The following DPP10 variants were observed in gnomAD, a reference collection of about 807,000 sequenced individuals.
DPP10 encodes dipeptidyl peptidase like 10, also known as inactive dipeptidyl peptidase 10.
In DPP10, 33 loss-of-function variants were observed where a neutral mutation model predicts 120.9. The observed-to-expected ratio is 0.27, with a 90% CI of 0.21 to 0.37. The LOEUF (loss-of-function observed/expected upper bound fraction) is 0.37. DPP10 is among the 10% of genes least tolerant of loss of function. The probability of loss-of-function intolerance (pLI) is 1.00; values close to 1 mark genes in which losing one functional copy is unlikely to be tolerated. For synonymous variants in DPP10, 337 were observed against 326.1 expected (o/e 1.03, Z -0.36); for missense variants, 816 against 942.8 (o/e 0.87, Z 1.76).
At chr2:115,590,817 T>C (rs2082613446) in intron 5 of DPP10, among the ~76,000 whole-genome samples, 2 of 152,168 alleles carry the variant, frequency 1.3e-5, no homozygotes, top group African/African-American at 4.8e-5. Context: ...CTCCACATCC[T>C]CTCCAGCACC....
intron 1 of DPP10, chr2:115,064,933 C>A: frequency 2.3e-6 from 2 of 858,992 alleles, no homozygotes; most frequent in Non-Finnish European, 3.2e-6. Flanking sequence ...AAGCATTATT[C>A]ATCATAGGCC....
chr2:114,632,889 T>C (rs1695039102), intron 1 of DPP10, among the ~76,000 whole-genome samples: 1 of 152,140 alleles, frequency 6.6e-6, no homozygotes, highest in Non-Finnish European at 1.5e-5. Flanking sequence ...TATCCCAAAT[T>C]TGACAAGGAA....
At chr2:114,661,564 T>C (rs1697405767) in intron 1 of DPP10, among the ~76,000 whole-genome samples, 1 of 152,224 alleles carries the variant, frequency 6.6e-6, no homozygotes, top group South Asian at 2.1e-4. Flanking sequence ...ACACAGAGCA[T>C]TTCTCCATCT....
chr2:115,308,572 T>G (rs1464595366), intron 1 of DPP10, among the ~76,000 whole-genome samples: 1 of 152,056 alleles, frequency 6.6e-6, no homozygotes, highest in Non-Finnish European at 1.5e-5. Flanking sequence ...TCGTGAGAGA[T>G]GTACAAGTTT....
At chr2:115,599,967 G>C (rs2083222508) in intron 5 of DPP10, among the ~76,000 whole-genome samples, 1 of 152,110 alleles carries the variant, frequency 6.6e-6, no homozygotes, top group Non-Finnish European at 1.5e-5. Flanking sequence ...TTTATGCACT[G>C]AATTAAGGGT....
intron 1 of DPP10, among the ~76,000 whole-genome samples, chr2:114,457,502 A>G (rs984613494): frequency 7.2e-5 from 11 of 152,238 alleles, no homozygotes; most frequent in Admixed American, 4.6e-4. Flanking sequence ...GCTTCTGTGA[A>G]TTGGGAGCCA....
intron 1 of DPP10, among the ~76,000 whole-genome samples, chr2:114,875,907 A>G (rs554783276): frequency 5.3e-5 from 8 of 152,238 alleles, no homozygotes; most frequent in Non-Finnish European, 8.8e-5. Flanking sequence ...GCAGCACTGT[A>G]TGTTTAGTGG....
chr2:115,647,512 A>G (rs762461664), intron 5 of DPP10, among the ~76,000 whole-genome samples: 8 of 152,186 alleles, frequency 5.3e-5, no homozygotes, highest in Non-Finnish European at 7.4e-5. Flanking sequence ...ATAACAAGGT[A>G]GATGTTGTAT....
intron 1 of DPP10, among the ~76,000 whole-genome samples, chr2:115,026,968 T>C (rs1456149758): frequency 6.6e-6 from 1 of 152,198 alleles, no homozygotes; most frequent in Non-Finnish European, 1.5e-5. Context: ...GAATATTTTT[T>C]AAATGTTTTA....
At chr2:114,571,106 T>C (rs1689608112) in intron 1 of DPP10, among the ~76,000 whole-genome samples, 2 of 152,022 alleles carry the variant, frequency 1.3e-5, no homozygotes, top group Non-Finnish European at 2.9e-5. Flanking sequence ...GATACTTGAT[T>C]TTGTTTGGAT....
intron 5 of DPP10, among the ~76,000 whole-genome samples, chr2:115,559,143 CTA>C (rs1470039510): frequency 1.6e-4 from 24 of 152,194 alleles, no homozygotes; most frequent in Admixed American, 6.5e-5. Context: ...ACTATATATA[CTA>C]TTTCTTGAAA....
intron 1 of DPP10, among the ~76,000 whole-genome samples, chr2:114,482,798 T>C (rs1681176065): frequency 6.6e-6 from 1 of 152,208 alleles, no homozygotes; most frequent in Admixed American, 6.6e-5. Context: ...ATATGATTAC[T>C]GATAAATGTC....
At chr2:115,380,718 T>C (rs1181139236) in intron 3 of DPP10, among the ~76,000 whole-genome samples, 1 of 152,200 alleles carries the variant, frequency 6.6e-6, no homozygotes, top group Non-Finnish European at 1.5e-5. Context: ...GTTTAGTGCT[T>C]CCTTCAGGAG....
At chr2:114,658,359 T>G (rs967671684) in intron 1 of DPP10, among the ~76,000 whole-genome samples, 62 of 152,196 alleles carry the variant, frequency 4.1e-4, no homozygotes, top group African/African-American at 1.4e-3. Context: ...ATAAGCTGTC[T>G]TGGCTAAAAG....
At chr2:115,309,377 T>C in intron 2 of DPP10, 24 bp downstream of exon 2, 2 of 1,596,924 alleles carry the variant, frequency 1.3e-6, no homozygotes, top group Non-Finnish European at 1.7e-6. Flanking sequence ...ATTCCTCTCT[T>C]ATGATGGATG....
intron 1 of DPP10, among the ~76,000 whole-genome samples, chr2:114,915,981 C>A (rs1694770715): frequency 6.6e-6 from 1 of 151,472 alleles, no homozygotes; most frequent in Admixed American, 6.6e-5. Flanking sequence ...AAGAAATAAC[C>A]AAAATCAGAG....
chr2:115,802,219 A>G (rs576860334), intron 19 of DPP10, among the ~76,000 whole-genome samples: 76 of 152,228 alleles, frequency 5.0e-4, no homozygotes, highest in Middle Eastern at 3.4e-3. Flanking sequence ...TTTTATTTGC[A>G]TAGAGGTGTT....
At chr2:115,505,239 C>A (rs538885185) in intron 4 of DPP10, among the ~76,000 whole-genome samples, 1 of 151,698 alleles carries the variant, frequency 6.6e-6, no homozygotes, top group Non-Finnish European at 1.5e-5. Flanking sequence ...ATAAAATTAT[C>A]TGAGTAATAT....
intron 2 of DPP10, among the ~76,000 whole-genome samples, chr2:115,310,767 C>A (rs968017950): frequency 6.6e-6 from 1 of 152,148 alleles, no homozygotes; most frequent in Admixed American, 6.6e-5. Flanking sequence ...CACTTAAACA[C>A]AAGAAGTTTA....
Sources: allele counts gnomAD v4.1 joint callset (sites outside exome capture counted in the v4.1 genomes callset), GRCh38; gene constraint gnomAD v4.1.1; transcripts MANE v1.5; gene names NCBI Gene and HGNC (gene_info 2026-07-23, HGNC 2026-07-21).